Variants in EXOC2 observed in about 807,000 individuals in gnomAD.
The protein encoded by EXOC2 is exocyst complex component 2, also known as SEC5-like 1.
A neutral mutation model predicts 131.8 loss-of-function variants in EXOC2; 70 were observed. The observed-to-expected ratio is 0.53, with a 90% confidence interval of 0.44 to 0.65. EXOC2 has a LOEUF of 0.65. Ranked by LOEUF, EXOC2 falls within the 30% of genes least tolerant of loss-of-function variation. EXOC2 has a pLI of 0.00. For missense variants in EXOC2, 923 were observed against 1,108.6 expected, an observed-to-expected ratio of 0.83 and a Z score of 2.38; for synonymous variants, 411 against 398.4, an observed-to-expected ratio of 1.03 and a Z score of -0.38.
chr6:623,659 C>CA (rs1215823030), intron 4 of EXOC2, among the ~76,000 whole-genome samples: 8 of 152,210 alleles, frequency 5.3e-5, no homozygotes, highest in African/African-American at 1.7e-4. Context: ...TGCTGAAACA[C>CA]AGCCCCCCAA....
At chr6:676,184 A>T (rs867470491) in intron 1 of EXOC2, among the ~76,000 whole-genome samples, 1 of 32,556 alleles carries the variant, frequency 3.1e-5, no homozygotes, top group Non-Finnish European at 7.7e-5. Flanking sequence ...GTTCCTCTGG[A>T]GACTGCGGTT....
chr6:531,222 T>C lies in EXOC2; in HGVS notation c.2380+1247A>G, dbSNP rs578195318. ...TGGAGAGGGGCTGTGAGGTGGAGCA[T>C]TGGGGCAGTGGGCAGAGTGCCAGGG... On this transcript the variant is annotated intron_variant, in intron 23 of 27. Transcript: ENST00000230449. 5.3e-3 allele frequency among the ~76,000 whole-genome samples: 809 copies of C among 152,292 alleles called. 1 individual carries two copies. The highest frequency in any genetic ancestry group is 7.8e-3 in the Non-Finnish European group (531 of 67,998).
chr6:501,661 C>CTATATATTATA (rs1764205203), intron 23 of EXOC2, among the ~76,000 whole-genome samples: 2 of 104,776 alleles, frequency 1.9e-5, no homozygotes, highest in African/African-American at 7.4e-5. Context: ...ATAGATATAT[C>CTATATATTATA]TATCTATAAA....
At chr6:653,213 G>A (rs776268023) in intron 1 of EXOC2, among the ~76,000 whole-genome samples, 1 of 152,196 alleles carries the variant, frequency 6.6e-6, no homozygotes, top group Non-Finnish European at 1.5e-5. Context: ...CGGCCTCTAA[G>A]TGCTCAAGTG....
intron 11 of EXOC2, among the ~76,000 whole-genome samples, chr6:584,187 TCTG>T (rs1422232699): frequency 6.6e-6 from 1 of 152,192 alleles, no homozygotes; most frequent in African/African-American, 2.4e-5. Flanking sequence ...ATTCAATGAA[TCTG>T]CTAATGGTTT....
chr6:553,515 T>C (rs1757260166), intron 21 of EXOC2, among the ~76,000 whole-genome samples: 1 of 151,906 alleles, frequency 6.6e-6, no homozygotes, highest in Non-Finnish European at 1.5e-5. Context: ...GCAGGAGCCG[T>C]GAGGGGGTGG....
At chr6:612,788 T>C (rs9378432) in intron 6 of EXOC2, among the ~76,000 whole-genome samples, 142,782 of 152,288 alleles carry the variant, frequency 0.94, 66,996 homozygotes, top group East Asian at 1. Context: ...GGGAGGAACA[T>C]GCGTAATTTA....
chr6:604,149 C>G (rs561157622), intron 7 of EXOC2, among the ~76,000 whole-genome samples: 1 of 152,196 alleles, frequency 6.6e-6, no homozygotes, highest in African/African-American at 2.4e-5. Flanking sequence ...CCCATCAGCA[C>G]GACCCTCAGG....
At chr6:550,529 C>T (rs1266392904) in intron 21 of EXOC2, among the ~76,000 whole-genome samples, 2 of 152,124 alleles carry the variant, frequency 1.3e-5, no homozygotes, top group Admixed American at 6.5e-5. Flanking sequence ...TTCAAACAAG[C>T]GAACGGCCTT....
chr6:525,794 G>T (rs1319922442), intron 23 of EXOC2, among the ~76,000 whole-genome samples: 1 of 152,026 alleles, frequency 6.6e-6, no homozygotes, highest in South Asian at 2.1e-4. Flanking sequence ...TAGATACATT[G>T]TCTTTTTCAA....
At chr6:591,192 T>C (rs1193637594) in intron 11 of EXOC2, among the ~76,000 whole-genome samples, 2 of 152,200 alleles carry the variant, frequency 1.3e-5, no homozygotes, top group East Asian at 3.9e-4. Flanking sequence ...GCTTGCTCCC[T>C]CTCATCCACC....
chr6:542,489 A>G lies in EXOC2; in HGVS notation c.2238+6686T>C, dbSNP rs146780680. On this transcript the variant is annotated intron_variant, in intron 22 of 27. Transcript: ENST00000230449. Reference sequence around the variant, plus strand: ...CAAAGGATGAGACATCTGCATCTCAAGTGGGCTTTGGTGGACGATCAAGAT... The same window carrying G: ...CAAAGGATGAGACATCTGCATCTCAGGTGGGCTTTGGTGGACGATCAAGAT... 4.6e-3 allele frequency among the ~76,000 whole-genome samples: 701 copies of G among 152,276 alleles called. 5 individuals are homozygous for G. Among genetic ancestry groups the G allele is most frequent in the African/African-American group, 0.016 (646 of 41,558 alleles).
intron 22 of EXOC2, among the ~76,000 whole-genome samples, chr6:544,922 T>C (rs968573587): frequency 6.7e-6 from 1 of 149,940 alleles, no homozygotes; most frequent in Non-Finnish European, 1.5e-5. Flanking sequence ...CCGAGGCGGG[T>C]GGATCATGAG....
At position 598,006 on chromosome 6, in the gene EXOC2, T is replaced by A. The variant is rs749983521; in HGVS notation, c.1073+15A>T. 1.3e-6 allele frequency: 2 copies of A among 1,588,166 alleles called. No individual in the cohort carries two copies. The highest frequency in any genetic ancestry group is 3.4e-5 in the Admixed American group (2 of 59,680). On this transcript the variant is annotated intron_variant, in intron 10 of 27. Coordinates refer to ENST00000230449, the MANE Select transcript of EXOC2 (RefSeq NM_018303.6). Reference sequence around the variant, plus strand: ...AGATACATGTGATTCAACAAAATGTTTGCAGAAGATTTACCTTATGTAACG... The same window carrying A: ...AGATACATGTGATTCAACAAAATGTATGCAGAAGATTTACCTTATGTAACG...
At chr6:622,491 C>T (rs1295520044) in intron 4 of EXOC2, among the ~76,000 whole-genome samples, 1 of 152,096 alleles carries the variant, frequency 6.6e-6, no homozygotes, top group African/African-American at 2.4e-5. Flanking sequence ...AGGGAATGAA[C>T]GGCAGTTGCT....
At chr6:563,352 A>G (rs1297605354) in intron 16 of EXOC2, among the ~76,000 whole-genome samples, 1 of 152,178 alleles carries the variant, frequency 6.6e-6, no homozygotes, top group East Asian at 1.9e-4. Context: ...ATCAACTAAG[A>G]GGGGAATATC....
At chr6:530,177 G>A (rs896922280) in intron 23 of EXOC2, among the ~76,000 whole-genome samples, 1 of 152,168 alleles carries the variant, frequency 6.6e-6, no homozygotes, top group Non-Finnish European at 1.5e-5. Flanking sequence ...GAAGAACAGT[G>A]GAAGCTAGAA....
chr6:624,389 T>C (rs1042863839), intron 4 of EXOC2, among the ~76,000 whole-genome samples: 3 of 152,268 alleles, frequency 2.0e-5, no homozygotes, highest in Admixed American at 1.3e-4. Context: ...TAGGAATGTT[T>C]TGAAGATCAG....
intron 23 of EXOC2, among the ~76,000 whole-genome samples, chr6:503,514 CG>C (rs1253147062): frequency 1.3e-5 from 2 of 152,134 alleles, no homozygotes; most frequent in Non-Finnish European, 2.9e-5. Context: ...TTATTTATTA[CG>C]CATTTGCAAG....
Sources: gnomAD v4.1 joint callset for allele counts (sites outside exome capture counted in the v4.1 genomes callset) on GRCh38, gnomAD v4.1.1 for gene constraint, MANE v1.5 for transcripts, NCBI Gene and HGNC (gene_info 2026-07-23, HGNC 2026-07-21) for gene names.